Variants in DSCAML1 observed in about 807,000 individuals in gnomAD.
The protein encoded by DSCAML1 is cell adhesion molecule DSCAML1.
Under a neutral mutation model 200.5 loss-of-function variants are expected in DSCAML1, and 38 were observed. That is an observed-to-expected ratio of 0.19 (90% CI 0.15 to 0.25). The LOEUF (loss-of-function observed/expected upper bound fraction) is 0.25. Among genes scored for constraint, DSCAML1 ranks in the 10% least tolerant of loss-of-function variants. The probability of loss-of-function intolerance (pLI) is 1.00; values close to 1 mark genes in which losing one functional copy is unlikely to be tolerated. For missense variants in DSCAML1, 2,223 were observed against 2,858.8 expected (o/e 0.78, Z 5.07); for synonymous variants, 1,215 against 1,165.0 (o/e 1.04, Z -0.87).
At chr11:117,796,594 A>T (rs2055581023) in intron 1 of DSCAML1, among the ~76,000 whole-genome samples, 1 of 152,226 alleles carries the variant, frequency 6.6e-6, no homozygotes, top group African/African-American at 2.4e-5. Flanking sequence ...GACATAGCGG[A>T]GGAATCAGCC....
intron 3 of DSCAML1, among the ~76,000 whole-genome samples, chr11:117,563,153 T>C (rs1447984703): frequency 6.6e-6 from 1 of 152,018 alleles, no homozygotes; most frequent in East Asian, 1.9e-4. Context: ...GGTCCTGGAG[T>C]GGAGGGTGCT....
At chr11:117,617,635 A>G (rs2051835318) in intron 3 of DSCAML1, among the ~76,000 whole-genome samples, 1 of 151,894 alleles carries the variant, frequency 6.6e-6, no homozygotes, top group African/African-American at 2.4e-5. Flanking sequence ...TAGGAAAAAA[A>G]CAACAACCCA....
At chr11:117,591,271 C>T (rs754274455) in intron 3 of DSCAML1, among the ~76,000 whole-genome samples, 2 of 152,152 alleles carry the variant, frequency 1.3e-5, no homozygotes, top group Admixed American at 6.5e-5. Flanking sequence ...ACCCAGTGGG[C>T]ACCCTAGCAC....
Position 117,431,575 on chromosome 11 carries a change from G to A in DSCAML1, c.5333C>T (p.Thr1778Ile). The change falls in exon 31 of 33, where the codon ACT becomes ATT. Residue 1778 changes from threonine (T) to isoleucine (I), a missense_variant. By Grantham distance (89) the Thr-to-Ile change is moderately conservative. This residue lies in a region of DSCAML1 where 614 missense variants were observed against 739.1 expected (regional missense o/e 0.83). Coordinates refer to ENST00000651296, the MANE Select transcript of DSCAML1 (RefSeq NM_020693.4). ...GCTGGCACTGTAGCTGTCACTCTCA[G>A]TGACCGTGACACCATGCTGGGAGCC... Reference protein sequence around the residue: ...TVGSQHGVTVTESDSYSASLS... With the variant: ...TVGSQHGVTVIESDSYSASLS... The A allele has an allele frequency of 6.2e-7, 1 of 1,607,738 alleles. No individual in the cohort carries two copies. The highest frequency in any genetic ancestry group is 8.5e-7 in the Non-Finnish European group (1 of 1,176,408).
At chr11:117,457,227 T>C (rs2048389775) in intron 19 of DSCAML1, among the ~76,000 whole-genome samples, 2 of 152,218 alleles carry the variant, frequency 1.3e-5, no homozygotes, top group African/African-American at 4.8e-5. Context: ...CAGTGCTGCT[T>C]TGGGCCCGGG....
chr11:117,512,760 A>AACACACAC (rs1565753846), intron 8 of DSCAML1, among the ~76,000 whole-genome samples: 8 of 60,748 alleles, frequency 1.3e-4, no homozygotes, highest in African/African-American at 4.6e-4. Context: ...GTCCTCTAGG[A>AACACACAC]TCACACACAC....
At chr11:117,651,339 G>A (rs999326877) in intron 3 of DSCAML1, among the ~76,000 whole-genome samples, 1 of 152,234 alleles carries the variant, frequency 6.6e-6, no homozygotes, top group African/African-American at 2.4e-5. Context: ...CCAACAGGCT[G>A]TGCTCCACAG....
chr11:117,749,251 C>T (rs1023667814), intron 3 of DSCAML1, among the ~76,000 whole-genome samples: 6 of 152,188 alleles, frequency 3.9e-5, no homozygotes, highest in Non-Finnish European at 8.8e-5. Flanking sequence ...GATGCTGTGG[C>T]GGAGCTGTGC....
chr11:117,768,858 T>C (rs1195361754), intron 3 of DSCAML1, among the ~76,000 whole-genome samples: 1 of 151,746 alleles, frequency 6.6e-6, no homozygotes, highest in Non-Finnish European at 1.5e-5. Flanking sequence ...CTGTGGATTG[T>C]CTTTTTCTTG....
chr11:117,795,939 G>A (rs2055565203), intron 1 of DSCAML1, among the ~76,000 whole-genome samples: 1 of 152,236 alleles, frequency 6.6e-6, no homozygotes, highest in African/African-American at 2.4e-5. Context: ...GCGAGAAGGA[G>A]AAAAGTTAGA....
chr11:117,691,958 CT>C (rs760967080), intron 3 of DSCAML1, among the ~76,000 whole-genome samples: 1 of 151,490 alleles, frequency 6.6e-6, no homozygotes, highest in Admixed American at 6.6e-5. Context: ...TCTGAAATGA[CT>C]TTTTTTTTAA....
At chr11:117,484,360 C>G (rs1363245874) in intron 11 of DSCAML1, among the ~76,000 whole-genome samples, 1 of 152,188 alleles carries the variant, frequency 6.6e-6, no homozygotes, top group East Asian at 1.9e-4. Context: ...GCCACCTCCT[C>G]TGCTGCCTTG....
At chr11:117,743,069 G>A (rs1382029101) in intron 3 of DSCAML1, among the ~76,000 whole-genome samples, 1 of 151,966 alleles carries the variant, frequency 6.6e-6, no homozygotes, top group Non-Finnish European at 1.5e-5. Flanking sequence ...CAGGTACAGA[G>A]AATCTGCTTT....
intron 3 of DSCAML1, among the ~76,000 whole-genome samples, chr11:117,623,219 T>TC (rs2051974605): frequency 2.1e-5 from 3 of 140,120 alleles, no homozygotes; most frequent in African/African-American, 5.8e-5. Flanking sequence ...TTCTTTTCTT[T>TC]TTTTTTTTTT....
chr11:117,804,692 A>T (rs1285759803), intron 1 of DSCAML1, among the ~76,000 whole-genome samples: 1 of 152,168 alleles, frequency 6.6e-6, no homozygotes, highest in Non-Finnish European at 1.5e-5. Flanking sequence ...GCACTTCGAG[A>T]GGCTGAGGTG....
At chr11:117,620,766 A>C (rs2051912030) in intron 3 of DSCAML1, among the ~76,000 whole-genome samples, 1 of 152,254 alleles carries the variant, frequency 6.6e-6, no homozygotes, top group African/African-American at 2.4e-5. Flanking sequence ...ACTTGGAGTC[A>C]GACAGATGAA....
At chr11:117,714,127 T>C (rs2053904530) in intron 3 of DSCAML1, among the ~76,000 whole-genome samples, 1 of 152,232 alleles carries the variant, frequency 6.6e-6, no homozygotes, top group Non-Finnish European at 1.5e-5. Flanking sequence ...CAAGATTAAC[T>C]GAGTTAATGC....
chr11:117,540,737 A>G (rs767492314), intron 3 of DSCAML1, among the ~76,000 whole-genome samples: 1 of 152,164 alleles, frequency 6.6e-6, no homozygotes, highest in African/African-American at 2.4e-5. Context: ...GAAATACCTC[A>G]TGTAAATGAC....
At chr11:117,638,897 AG>A (rs2052344102) in intron 3 of DSCAML1, among the ~76,000 whole-genome samples, 1 of 152,206 alleles carries the variant, frequency 6.6e-6, no homozygotes, top group Admixed American at 6.5e-5. Flanking sequence ...GTAGATACCC[AG>A]GCATGAAATT....
Sources: allele counts gnomAD v4.1 joint callset (sites outside exome capture counted in the v4.1 genomes callset), GRCh38; gene constraint gnomAD v4.1.1; regional missense constraint gnomAD v4.1.1; transcripts MANE v1.5; gene names NCBI Gene and HGNC (gene_info 2026-07-23, HGNC 2026-07-21).